The following ADGRL3 variants were observed in gnomAD, a reference collection of about 807,000 sequenced individuals.
ADGRL3 encodes calcium-independent alpha-latrotoxin receptor 3.
In ADGRL3, 62 loss-of-function variants were observed where a neutral mutation model predicts 153.5. The ratio of observed to expected loss-of-function variants is 0.40; its 90% confidence interval spans 0.33 to 0.50. The LOEUF is 0.50. ADGRL3 is among the 20% of genes least tolerant of loss of function. The pLI, the probability that ADGRL3 is intolerant of heterozygous loss-of-function variation, is 0.47. For synonymous variants in ADGRL3, 710 were observed against 672.5 expected, an observed-to-expected ratio of 1.06 and a Z score of -0.86; for missense variants, 1,641 against 1,859.4, an observed-to-expected ratio of 0.88 and a Z score of 2.16.
intron 21 of ADGRL3, among the ~76,000 whole-genome samples, chr4:62,014,933 A>G (rs143391540): frequency 2.2e-4 from 33 of 152,246 alleles, no homozygotes; most frequent in Non-Finnish European, 3.8e-4. Flanking sequence ...AGCTTTTCTC[A>G]TTCTCCTATT....
chr4:61,512,400 A>C (rs1162645575), intron 3 of ADGRL3, among the ~76,000 whole-genome samples: 4 of 152,138 alleles, frequency 2.6e-5, no homozygotes, highest in African/African-American at 9.7e-5. Context: ...AACTCAACCC[A>C]AAATTTCTTA....
rs376741663 is a variant in ADGRL3, at chr4:61,676,972, A to G, written c.583+37A>G. 244 of 1,322,006 alleles carry G rather than the reference A, an allele frequency of 1.8e-4. 1 individual carries two copies. Among genetic ancestry groups the G allele is most frequent in the Non-Finnish European group, 2.5e-4 (233 of 917,858 alleles). 81.9% of individuals were successfully genotyped at this position (1,322,006 alleles called of 1,614,324 possible). On this transcript the variant is annotated intron_variant, in intron 6 of 26. Coordinates refer to ENST00000683033, the MANE Select transcript of ADGRL3 (RefSeq NM_001387552.1). The stretch of plus-strand genomic sequence containing the variant: ...CCTATACTTTTCTTGGCAAGAGAAA[A>G]GATACTAAACTGTGTTTTGCATGCA...
intron 2 of ADGRL3, among the ~76,000 whole-genome samples, chr4:61,419,670 C>G (rs1437800640): frequency 1.3e-5 from 2 of 152,142 alleles, no homozygotes; most frequent in Non-Finnish European, 2.9e-5. Context: ...AGTGAAAGAA[C>G]TTATTTGAGG....
intron 1 of ADGRL3, among the ~76,000 whole-genome samples, chr4:61,280,348 C>T (rs2093673009): frequency 6.6e-6 from 1 of 151,990 alleles, no homozygotes; most frequent in East Asian, 1.9e-4. Flanking sequence ...ACCTCATGAT[C>T]CACCCACCTT....
At chr4:61,407,570 C>G (rs1451291604) in intron 2 of ADGRL3, among the ~76,000 whole-genome samples, 1 of 152,010 alleles carries the variant, frequency 6.6e-6, no homozygotes, top group Non-Finnish European at 1.5e-5. Flanking sequence ...GCTGTGTAAA[C>G]CAATTTTTAG....
intron 2 of ADGRL3, among the ~76,000 whole-genome samples, chr4:61,487,372 A>C (rs1484039682): frequency 1.3e-5 from 2 of 152,160 alleles, no homozygotes; most frequent in African/African-American, 4.8e-5. Context: ...AATAATGTTT[A>C]TAGTTAGAAG....
At chr4:61,213,678 TC>T (rs1392102959) in intron 1 of ADGRL3, among the ~76,000 whole-genome samples, 1 of 152,168 alleles carries the variant, frequency 6.6e-6, no homozygotes, top group Non-Finnish European at 1.5e-5. Context: ...TATAGTTATC[TC>T]CAATTTCTCA....
intron 25 of ADGRL3, among the ~76,000 whole-genome samples, chr4:62,052,789 C>T (rs563159916): frequency 1.3e-5 from 2 of 151,328 alleles, no homozygotes; most frequent in South Asian, 4.2e-4. Context: ...AAAGATATAG[C>T]TTTTCCCAGA....
intron 2 of ADGRL3, among the ~76,000 whole-genome samples, chr4:61,462,641 G>A (rs191018806): frequency 3.9e-5 from 6 of 152,242 alleles, no homozygotes; most frequent in African/African-American, 4.8e-5. Context: ...AACAGAGGTC[G>A]TAATAGAGCT....
intron 5 of ADGRL3, among the ~76,000 whole-genome samples, chr4:61,657,747 A>G (rs1480488015): frequency 6.6e-6 from 1 of 152,222 alleles, no homozygotes; most frequent in Non-Finnish European, 1.5e-5. Flanking sequence ...TTATAAATGT[A>G]TGCATATTGC....
chr4:61,656,115 T>C (rs561967728), intron 5 of ADGRL3, among the ~76,000 whole-genome samples: 14 of 152,290 alleles, frequency 9.2e-5, no homozygotes, highest in Admixed American at 3.3e-4. Flanking sequence ...AAAAGGTCAA[T>C]AAAATGAAAG....
At chr4:61,893,971 A>G (rs879761892) in intron 10 of ADGRL3, among the ~76,000 whole-genome samples, 6 of 152,036 alleles carry the variant, frequency 3.9e-5, no homozygotes, top group Non-Finnish European at 7.4e-5. Context: ...TCAGCCTCCC[A>G]AAGTTCTGGG....
chr4:61,779,002 G>A (rs1180114698), intron 8 of ADGRL3, among the ~76,000 whole-genome samples: 2 of 151,512 alleles, frequency 1.3e-5, no homozygotes, highest in Non-Finnish European at 2.9e-5. Flanking sequence ...AGGTTGCAGT[G>A]AGCCAAGATC....
intron 6 of ADGRL3, among the ~76,000 whole-genome samples, chr4:61,688,981 G>A (rs949401789): frequency 6.6e-6 from 1 of 152,056 alleles, no homozygotes; most frequent in Non-Finnish European, 1.5e-5. Context: ...ATTTTTTGGA[G>A]ATGGGATCTC....
chr4:61,640,469 C>T (rs1275969330), intron 5 of ADGRL3, among the ~76,000 whole-genome samples: 2 of 151,944 alleles, frequency 1.3e-5, no homozygotes, highest in African/African-American at 4.8e-5. Context: ...GAGAGCAAAC[C>T]CTCTTTGCTC....
chr4:62,032,532 G>C (rs1187075778), intron 23 of ADGRL3, among the ~76,000 whole-genome samples: 1 of 151,146 alleles, frequency 6.6e-6, no homozygotes, highest in East Asian at 1.9e-4. Context: ...CATGGAGGGG[G>C]TAAAAATAAT....
intron 9 of ADGRL3, among the ~76,000 whole-genome samples, chr4:61,847,703 TTATATATATAATATAAAATATA>T: frequency 2.6e-5 from 1 of 37,980 alleles, no homozygotes; most frequent in East Asian, 5.8e-4. Context: ...ATAAAATATA[TTATATATATAATATAAAATATA>T]TTATATATAT....
chr4:61,973,570 A>G (rs2099037135), intron 17 of ADGRL3, among the ~76,000 whole-genome samples: 1 of 152,182 alleles, frequency 6.6e-6, no homozygotes, highest in Non-Finnish European at 1.5e-5. Context: ...GAGATGATAG[A>G]TTCATTCAAT....
intron 2 of ADGRL3, chr4:61,420,294 T>C (rs986976227): frequency 6.6e-6 from 1 of 152,144 alleles, no homozygotes; most frequent in Admixed American, 6.5e-5. Context: ...TTCTAATCAG[T>C]ATTTTTAAAA....
Sources: gnomAD v4.1 joint callset for allele counts (sites outside exome capture counted in the v4.1 genomes callset) on GRCh38, gnomAD v4.1.1 for gene constraint, MANE v1.5 for transcripts, NCBI Gene and HGNC (gene_info 2026-07-23, HGNC 2026-07-21) for gene names.